The following OFD1 variants were observed in gnomAD, a reference collection of about 807,000 sequenced individuals.
The protein encoded by OFD1 is OFD1 centriole and centriolar satellite protein, also known as centriole and centriolar satellite protein OFD1.
Under a neutral mutation model 81.4 loss-of-function variants are expected in OFD1, and 12 were observed. The ratio of observed to expected loss-of-function variants is 0.15; its 90% CI spans 0.09 to 0.24. The LOEUF is 0.24. OFD1 is among the 10% of genes least tolerant of loss of function. The pLI, the probability that OFD1 is intolerant of heterozygous loss-of-function variation, is 1.00. For synonymous variants in OFD1, 256 were observed against 263.7 expected, an observed-to-expected ratio of 0.97 and a Z score of 0.28; for missense variants, 685 against 733.9, an observed-to-expected ratio of 0.93 and a Z score of 0.77.
At chrX:13,770,272 TAAG>T (rs1438246490), downstream of OFD1, among the ~76,000 whole-genome samples, 2 of 112,190 alleles carry the variant, frequency 1.8e-5, no homozygotes, top group Non-Finnish European at 3.8e-5. Context: ...CAGAAGATAC[TAAG>T]TAGTGTGACA....
intron 2 of OFD1, 123 bp from the exon 3 acceptor site, chrX:13,736,355 A>G (rs900211060): frequency 4.6e-5 from 50 of 1,092,402 alleles, no homozygotes; most frequent in Middle Eastern, 3.5e-4. Flanking sequence ...TAGAACCATT[A>G]TGGAAATAGA....
chrX:13,734,206 G>C, upstream of OFD1: 1 of 468,264 alleles, frequency 2.1e-6, no homozygotes, highest in Non-Finnish European at 3.8e-6. Flanking sequence ...AGAGAGCAAG[G>C]ATACAGCTAA....
intron 5 of OFD1, among the ~76,000 whole-genome samples, chrX:13,740,889 A>G (rs1012422939): frequency 9.0e-6 from 1 of 111,198 alleles, no homozygotes; most frequent in African/African-American, 3.3e-5. Context: ...CTGTAATCCC[A>G]GCACTTTGGG....
At chrX:13,757,853 GGCACAAGTCACAC>G in intron 14 of OFD1, 63 bp downstream of exon 14, 5 of 1,133,222 alleles carry the variant, frequency 4.4e-6, no homozygotes, top group Non-Finnish European at 6.1e-6. Context: ...ACGTAAACTT[GGCACAAGTCACAC>G]TAGTGTAAAT....
the OFD1 span, chrX:13,721,762 A>G: frequency 9.2e-6 from 1 of 108,131 alleles, no homozygotes; most frequent in Non-Finnish European, 1.9e-5. Context: ...GTAAGATTTA[A>G]AATGCTATTT....
At chrX:13,756,528 A>T in intron 12 of OFD1, 50 bp from the exon 13 acceptor site, 1 of 1,016,802 alleles carries the variant, frequency 9.8e-7, no homozygotes, top group Non-Finnish European at 1.4e-6. Context: ...TTACTTTTGC[A>T]GTACTGTAAA....
intron 3 of OFD1, chrX:13,738,561 C>G (rs1286125852): frequency 9.2e-6 from 2 of 217,426 alleles, no homozygotes; most frequent in African/African-American, 5.7e-5. Context: ...TCAGATATTT[C>G]AGTGTCATCT....
chrX:13,754,414 T>TTA (rs1438252407), intron 11 of OFD1, among the ~76,000 whole-genome samples: 8 of 84,867 alleles, frequency 9.4e-5, no homozygotes, highest in African/African-American at 4.4e-4. Flanking sequence ...GGCTACTGTC[T>TTA]TTTTTTTTTT....
At chrX:13,735,816 G>T (rs2046840825) in intron 2 of OFD1, among the ~76,000 whole-genome samples, 1 of 112,114 alleles carries the variant, frequency 8.9e-6, no homozygotes, top group African/African-American at 3.2e-5. Context: ...AGTTTGGGCA[G>T]AAAATACCTA....
At chrX:13,759,342 A>G (rs2047837461) in intron 15 of OFD1, among the ~76,000 whole-genome samples, 1 of 112,199 alleles carries the variant, frequency 8.9e-6, no homozygotes, top group Non-Finnish European at 1.9e-5. Flanking sequence ...CACAGCTGAA[A>G]TCATAGCAGT....
intron 5 of OFD1, chrX:13,739,688 C>T (rs910807496): frequency 6.0e-5 from 13 of 215,759 alleles, no homozygotes; most frequent in Admixed American, 9.5e-5. Context: ...GCAGAGGTTG[C>T]GGTGAGCTGA....
chrX:13,734,105 C>T (rs1286457868), upstream of OFD1: 1 of 513,385 alleles, frequency 1.9e-6, no homozygotes. Flanking sequence ...GATCTCAACC[C>T]GGAGCGATCT....
the OFD1 span, chrX:13,716,305 A>G: frequency 1.8e-6 from 1 of 554,718 alleles, no homozygotes; most frequent in Non-Finnish European, 2.9e-6. Flanking sequence ...ATCACCCTTG[A>G]TAGGGTCCAG....
rs1398505825 is a variant in OFD1, at chrX:13,763,815, C to T, written c.2559C>T (p.Asp853=). ...LSPAGDMSHV[D]AAAAAVPLSY... The stretch of plus-strand genomic sequence containing the variant: ...CTGCCGGGGATATGTCTCATGTGGA[C>T]GCTGCTGCAGCTGCTGTGCCCCTCT... Residue 853 remains aspartate, a synonymous_variant, in exon 19 of 23, where the codon GAC becomes GAT. Coordinates refer to ENST00000340096, the MANE Select transcript of OFD1 (RefSeq NM_003611.3). 5 of 1,209,129 alleles carry T rather than the reference C, an allele frequency of 4.1e-6. No individual in the cohort carries two copies. Among genetic ancestry groups the T allele is most frequent in the South Asian group, 3.5e-5 (2 of 56,804 alleles).
chrX:13,756,368 A>G (rs1349859622), intron 12 of OFD1, among the ~76,000 whole-genome samples: 3 of 111,892 alleles, frequency 2.7e-5, no homozygotes, highest in Non-Finnish European at 5.6e-5. Context: ...GACTTGCTTC[A>G]TGGGATGCGG....
chrX:13,742,956 T>C (rs2047165109), intron 5 of OFD1, among the ~76,000 whole-genome samples: 1 of 111,978 alleles, frequency 8.9e-6, no homozygotes, highest in Non-Finnish European at 1.9e-5. Flanking sequence ...TGACAAAATC[T>C]AATCCCCTTC....
chrX:13,751,123 C>T, intron 9 of OFD1, 126 bp from the exon 10 acceptor site: 1 of 601,347 alleles, frequency 1.7e-6, no homozygotes, highest in Admixed American at 3.4e-5. Context: ...CTCTTTCCTT[C>T]TACTTCCCAG....
chrX:13,772,037 T>G (rs1303068775), downstream of OFD1: 2 of 112,317 alleles, frequency 1.8e-5, no homozygotes, highest in Non-Finnish European at 3.8e-5. Flanking sequence ...AAGAAAAACA[T>G]TTATGGAACA....
chrX:13,767,027 A>G, intron 19 of OFD1, 100 bp from the exon 20 acceptor site: 28 of 816,671 alleles, frequency 3.4e-5, no homozygotes, highest in Non-Finnish European at 5.1e-5. Context: ...AAAGCCAAGC[A>G]GAGTCTCCGT....
Sources: allele counts gnomAD v4.1 joint callset (sites outside exome capture counted in the v4.1 genomes callset), GRCh38; gene constraint gnomAD v4.1.1; transcripts MANE v1.5; gene names NCBI Gene and HGNC (gene_info 2026-07-23, HGNC 2026-07-21).